The following STX8 variants were observed in gnomAD, a reference collection of about 807,000 sequenced individuals.
The protein encoded by STX8 is syntaxin 8.
In STX8, 23 loss-of-function variants were observed where a neutral mutation model predicts 37.5. The observed-to-expected ratio is 0.61, with a 90% confidence interval of 0.44 to 0.87. The LOEUF (loss-of-function observed/expected upper bound fraction) is 0.87, where lower values mean the gene tolerates loss of function less well. STX8 is among the 40% of genes least tolerant of loss of function. The pLI, the probability that STX8 is intolerant of heterozygous loss-of-function variation, is 0.00. For missense variants in STX8, 313 were observed against 284.7 expected, an observed-to-expected ratio of 1.10 and a Z score of -0.71; for synonymous variants, 115 against 99.1, an observed-to-expected ratio of 1.16 and a Z score of -0.95.
At chr17:9,434,720 C>T (rs754630832) in intron 6 of STX8, among the ~76,000 whole-genome samples, 1 of 152,142 alleles carries the variant, frequency 6.6e-6, no homozygotes, top group Non-Finnish European at 1.5e-5. Flanking sequence ...AGGTACTGTT[C>T]CTTGTAGAGC....
chr17:9,546,481 T>TGTGCATGGGC (rs1555536148), intron 3 of STX8, among the ~76,000 whole-genome samples: 2,922 of 151,808 alleles, frequency 0.019, 40 homozygotes, highest in Middle Eastern at 0.034. Context: ...ATGCGGCGCG[T>TGTGCATGGGC]GCGCATGAAG....
chr17:9,311,731 C>T (rs2142191961), intron 7 of STX8, among the ~76,000 whole-genome samples: 1 of 152,326 alleles, frequency 6.6e-6, no homozygotes. Context: ...GTGGATATTA[C>T]ATGTCCCTAT....
chr17:9,449,343 G>A lies in STX8; in HGVS notation c.541+42486C>T, dbSNP rs540174491. ...TGGGAGGCCAAGGCGAGCGGATCAC[G>A]AGGTCAGGAGATCGAGACCACCCTG... On this transcript the variant is annotated intron_variant, in intron 6 of 7. Coordinates refer to ENST00000306357, the MANE Select transcript of STX8 (RefSeq NM_004853.3). 3.9e-5 allele frequency among the ~76,000 whole-genome samples: 6 copies of A among 152,294 alleles called. 1 individual carries two copies. Among genetic ancestry groups the A allele is most frequent in the Middle Eastern group, 6.8e-3 (2 of 294 alleles).
At chr17:9,552,734 G>GCTCCGCAT (rs1906816825) in intron 3 of STX8, 1 of 150,244 alleles carries the variant, frequency 6.7e-6, no homozygotes, top group Non-Finnish European at 1.5e-5. Flanking sequence ...CTCACTGCAA[G>GCTCCGCAT]CTCCGCATCC....
intron 1 of STX8, among the ~76,000 whole-genome samples, chr17:9,572,855 A>G (rs1041683530): frequency 6.6e-6 from 1 of 152,230 alleles, no homozygotes; most frequent in African/African-American, 2.4e-5. Context: ...CTAATGAAGT[A>G]TAACAGAAAA....
chr17:9,551,894 G>C (rs1181600447), intron 3 of STX8, among the ~76,000 whole-genome samples: 4 of 151,804 alleles, frequency 2.6e-5, no homozygotes, highest in African/African-American at 4.8e-5. Flanking sequence ...AAAAAACTAG[G>C]GGGGGGTGTA....
At chr17:9,493,479 C>T (rs976878457) in intron 5 of STX8, among the ~76,000 whole-genome samples, 16 of 152,270 alleles carry the variant, frequency 1.1e-4, no homozygotes, top group Admixed American at 6.5e-4. Flanking sequence ...ACCCCCTCCT[C>T]GGGCAGGTTT....
chr17:9,380,254 G>GTTTTT (rs34806016), intron 6 of STX8, among the ~76,000 whole-genome samples: 50 of 89,438 alleles, frequency 5.6e-4, no homozygotes, highest in African/African-American at 1.8e-3. Flanking sequence ...ATTTCTGTGT[G>GTTTTT]TTTTTTTTTT....
intron 7 of STX8, among the ~76,000 whole-genome samples, chr17:9,292,304 G>A (rs1013928579): frequency 2.6e-5 from 4 of 152,260 alleles, no homozygotes; most frequent in African/African-American, 4.8e-5. Context: ...GGGCCTGTCC[G>A]TGGGGCTTCA....
intron 5 of STX8, 66 bp downstream of exon 5, chr17:9,504,972 T>TAAAAA: frequency 1.6e-5 from 1 of 64,384 alleles, no homozygotes; most frequent in Non-Finnish European, 2.5e-5. Flanking sequence ...AGACTCCGTC[T>TAAAAA]CAAAAAAAAA....
chr17:9,544,999 A>C (rs1333162042), intron 4 of STX8, among the ~76,000 whole-genome samples, 173 bp downstream of exon 4: 1 of 152,172 alleles, frequency 6.6e-6, no homozygotes, highest in Non-Finnish European at 1.5e-5. Context: ...TGTCTCAAAC[A>C]AACAAACAAA....
In STX8 at chr17:9,545,281, T is replaced by C. The variant is rs772026395; in HGVS notation, c.214A>G (p.Thr72Ala). 10 of 1,608,824 alleles carry C rather than the reference T, an allele frequency of 6.2e-6. No individual in the cohort carries two copies. Among genetic ancestry groups the C allele is most frequent in the East Asian group, 4.5e-5 (2 of 44,860 alleles). The change falls in exon 4 of 8, where the codon ACA becomes GCA. Residue 72 changes from threonine to alanine, a missense_variant and splice_region_variant. Coordinates refer to ENST00000306357, the MANE Select transcript of STX8 (RefSeq NM_004853.3). ...TGTCTTCGGTCCCCTTCAAGCTGTGTTCTGCAGATATCTTGTTAAGGTTCA... is the reference window on the plus strand; with the variant it reads ...TGTCTTCGGTCCCCTTCAAGCTGTGCTCTGCAGATATCTTGTTAAGGTTCA... ...LLRAVSTHQITQLEGDRRQNL... is the reference protein window; with the variant it reads ...LLRAVSTHQIAQLEGDRRQNL...
At chr17:9,345,848 CTTTTTTTTT>C (rs545020159) in intron 7 of STX8, among the ~76,000 whole-genome samples, 1 of 52,076 alleles carries the variant, frequency 1.9e-5, no homozygotes, top group Non-Finnish European at 3.4e-5. Context: ...TTATGCATTC[CTTTTTTTTT>C]TTTTTTTTTT....
At chr17:9,340,333 T>G (rs1231421681) in intron 7 of STX8, among the ~76,000 whole-genome samples, 1 of 152,250 alleles carries the variant, frequency 6.6e-6, no homozygotes, top group Non-Finnish European at 1.5e-5. Flanking sequence ...ACTTGTCCTC[T>G]AATGTCGATC....
chr17:9,428,656 A>C lies in STX8; in HGVS notation c.542-50003T>G, dbSNP rs532048200. On this transcript the variant is annotated intron_variant, in intron 6 of 7. Coordinates refer to ENST00000306357, the MANE Select transcript of STX8 (RefSeq NM_004853.3). ...TGAACCATGTCTGTAATTATGAAAAAGTAAAAAGGAACAATGGCATATTTT... is the reference window on the plus strand; with the variant it reads ...TGAACCATGTCTGTAATTATGAAAACGTAAAAAGGAACAATGGCATATTTT... Among the ~76,000 whole-genome samples the C allele has an allele frequency of 1.1e-4, 16 of 152,364 alleles. No homozygotes were observed. The South Asian group carries it at 3.1e-3, about 30-fold the overall frequency.
chr17:9,273,892 G>A (rs1045157426), intron 7 of STX8, among the ~76,000 whole-genome samples: 20 of 152,150 alleles, frequency 1.3e-4, no homozygotes, highest in African/African-American at 3.6e-4. Flanking sequence ...ATGCTCTGCC[G>A]TCTGCTCTCA....
intron 3 of STX8, 71 bp downstream of exon 3, chr17:9,557,363 C>A: frequency 7.3e-7 from 1 of 1,378,478 alleles, no homozygotes; most frequent in Non-Finnish European, 1.0e-6. Context: ...GGCCCAGATT[C>A]CTTCCTTTCT....
At chr17:9,278,864 C>T (rs1045534565) in intron 7 of STX8, among the ~76,000 whole-genome samples, 1 of 151,914 alleles carries the variant, frequency 6.6e-6, no homozygotes, top group Non-Finnish European at 1.5e-5. Flanking sequence ...GCTAAAGGGG[C>T]ACTGGAAGGG....
chr17:9,575,671 C>T, intron 1 of STX8, 121 bp downstream of exon 1: 2 of 1,252,146 alleles, frequency 1.6e-6, no homozygotes, highest in Admixed American at 2.1e-5. Flanking sequence ...GGAAAGGTCT[C>T]GCTGCCCCTC....
Sources: gnomAD v4.1 joint callset for allele counts (sites outside exome capture counted in the v4.1 genomes callset) on GRCh38, gnomAD v4.1.1 for gene constraint, MANE v1.5 for transcripts, NCBI Gene and HGNC (gene_info 2026-07-23, HGNC 2026-07-21) for gene names.